SORCS1: variants seen among roughly 807,000 people sequenced by gnomAD.
SORCS1 encodes VPS10 domain-containing receptor SorCS1.
SORCS1 carries 60 observed loss-of-function variants against 146.1 expected under a neutral mutation model. The ratio of observed to expected loss-of-function variants is 0.41; its 90% CI spans 0.33 to 0.51. SORCS1 has a LOEUF of 0.51. SORCS1 is among the 20% of genes least tolerant of loss of function. The pLI, the probability that SORCS1 is intolerant of heterozygous loss-of-function variation, is 0.21. For synonymous variants in SORCS1, 637 were observed against 584.0 expected (o/e 1.09, Z -1.31); for missense variants, 1,352 against 1,487.6 (o/e 0.91, Z 1.50).
chr10:106,856,590 T>C (rs1949796402), intron 2 of SORCS1, among the ~76,000 whole-genome samples: 1 of 152,182 alleles, frequency 6.6e-6, no homozygotes, highest in African/African-American at 2.4e-5. Context: ...TATTTCAAAA[T>C]GGTTACTTTT....
At chr10:107,054,106 A>G (rs963148931) in intron 1 of SORCS1, among the ~76,000 whole-genome samples, 9 of 152,202 alleles carry the variant, frequency 5.9e-5, no homozygotes, top group Admixed American at 5.9e-4. Flanking sequence ...GTCGAAGGCT[A>G]CCGATTCAGA....
In SORCS1 at chr10:107,065,602, T is replaced by A. The variant is rs1313543893; in HGVS notation, c.558+98367A>T. On this transcript the variant is annotated intron_variant, in intron 1 of 25. Coordinates refer to ENST00000263054, the MANE Select transcript of SORCS1 (RefSeq NM_052918.5). Reference sequence around the variant, plus strand: ...GCGTGATCTCAACTCACTGCAACTTTCGCCTCCAGGGCTCAAGCGATCCTC... The same window carrying A: ...GCGTGATCTCAACTCACTGCAACTTACGCCTCCAGGGCTCAAGCGATCCTC... 2.0e-5 allele frequency among the ~76,000 whole-genome samples: 3 copies of A among 151,158 alleles called. No homozygotes were observed. The Admixed American group carries it at 2.0e-4, about 10-fold the overall frequency.
intron 1 of SORCS1, among the ~76,000 whole-genome samples, chr10:106,983,108 T>A (rs1306429177): frequency 2.7e-5 from 4 of 147,318 alleles, no homozygotes; most frequent in African/African-American, 9.9e-5. Context: ...TCAGAGGAGG[T>A]TATATATATA....
intron 2 of SORCS1, among the ~76,000 whole-genome samples, chr10:106,893,620 C>G (rs911153975): frequency 6.6e-6 from 1 of 152,146 alleles, no homozygotes; most frequent in African/African-American, 2.4e-5. Flanking sequence ...GATGTTGCCA[C>G]ATGTTGCATG....
At chr10:106,670,377 T>C (rs1851496898) in intron 16 of SORCS1, among the ~76,000 whole-genome samples, 2 of 152,224 alleles carry the variant, frequency 1.3e-5, no homozygotes, top group African/African-American at 4.8e-5. Flanking sequence ...CCAGTTTAAA[T>C]TAGCTTAATC....
chr10:106,968,788 G>C (rs1287301281), intron 1 of SORCS1, among the ~76,000 whole-genome samples: 1 of 151,858 alleles, frequency 6.6e-6, no homozygotes, highest in Admixed American at 6.6e-5. Flanking sequence ...TTACCATAAA[G>C]TACAACTAAC....
At chr10:106,739,690 C>T (rs1293038835) in intron 5 of SORCS1, among the ~76,000 whole-genome samples, 3 of 150,428 alleles carry the variant, frequency 2.0e-5, no homozygotes, top group Admixed American at 6.6e-5. Flanking sequence ...TGGTGGCGAG[C>T]GCCGTAATCC....
At chr10:106,601,391 A>C (rs531674820) in intron 23 of SORCS1, among the ~76,000 whole-genome samples, 17 of 152,222 alleles carry the variant, frequency 1.1e-4, no homozygotes, top group Non-Finnish European at 2.1e-4. Context: ...CCATAGAAAC[A>C]ACACATTATT....
intron 21 of SORCS1, among the ~76,000 whole-genome samples, chr10:106,614,461 G>A (rs139857432): frequency 1.9e-3 from 292 of 152,302 alleles, no homozygotes; most frequent in Non-Finnish European, 2.8e-3. Context: ...ATTGTTCAAA[G>A]CTTGACTATT....
intron 3 of SORCS1, among the ~76,000 whole-genome samples, chr10:106,786,369 T>C (rs952234728): frequency 2.0e-5 from 3 of 152,196 alleles, no homozygotes; most frequent in Non-Finnish European, 4.4e-5. Context: ...GTTGGACCTC[T>C]CCCTTTCTCT....
At chr10:107,028,880 C>A (rs1451441163) in intron 1 of SORCS1, among the ~76,000 whole-genome samples, 1 of 152,192 alleles carries the variant, frequency 6.6e-6, no homozygotes, top group East Asian at 1.9e-4. Flanking sequence ...CCCCTGCAAG[C>A]CACTTAATCT....
chr10:106,951,337 C>T (rs1334084960), intron 2 of SORCS1, among the ~76,000 whole-genome samples: 6 of 151,916 alleles, frequency 3.9e-5, no homozygotes, highest in Non-Finnish European at 8.8e-5. Context: ...TGGTGAAACC[C>T]CGTCTCTACT....
At chr10:106,920,687 G>A (rs1952670785) in intron 2 of SORCS1, among the ~76,000 whole-genome samples, 1 of 152,174 alleles carries the variant, frequency 6.6e-6, no homozygotes, top group Non-Finnish European at 1.5e-5. Flanking sequence ...AGGAAGTGAG[G>A]GCTGTTCTTT....
chr10:106,658,102 C>A (rs557580396), intron 17 of SORCS1, among the ~76,000 whole-genome samples: 1 of 152,156 alleles, frequency 6.6e-6, no homozygotes, highest in East Asian at 1.9e-4. Flanking sequence ...TTCTTAAAAT[C>A]ATTCAAAATT....
At chr10:106,671,404 T>G in intron 15 of SORCS1, 37 bp from the exon 16 acceptor site, 1 of 1,612,380 alleles carries the variant, frequency 6.2e-7, no homozygotes, top group Non-Finnish European at 8.5e-7. Flanking sequence ...CTTGGGCACA[T>G]AGCTTGGACT....
chr10:106,573,820 T>A lies in SORCS1; in HGVS notation c.*3600A>T, dbSNP rs1844471314. 1 of 152,458 alleles carries A rather than the reference T, an allele frequency of 6.6e-6. No individual in the cohort carries two copies. Among genetic ancestry groups the A allele is most frequent in the South Asian group, 2.1e-4 (1 of 4,828 alleles). 9.4% of individuals were successfully genotyped at this position (152,458 alleles called of 1,614,324 possible). ...CTCTTTCTTATGCAATTAGCCTTTATGAAATCCTATACATGCAACACTTCT... is the reference window on the plus strand; with the variant it reads ...CTCTTTCTTATGCAATTAGCCTTTAAGAAATCCTATACATGCAACACTTCT... On this transcript the variant is annotated 3_prime_UTR_variant, in exon 26 of 26. Transcript: ENST00000263054.
chr10:107,078,260 G>T (rs531632115), intron 1 of SORCS1, among the ~76,000 whole-genome samples: 78 of 152,246 alleles, frequency 5.1e-4, no homozygotes, highest in African/African-American at 1.8e-3. Flanking sequence ...CTCAGTAAAA[G>T]GAGGTTCCAT....
At chr10:106,794,502 T>TG (rs1491120830) in intron 3 of SORCS1, among the ~76,000 whole-genome samples, 5 of 65,624 alleles carry the variant, frequency 7.6e-5, no homozygotes, top group Admixed American at 3.1e-4. Context: ...TTTCTTTTTC[T>TG]TTTTTTTTTT....
intron 5 of SORCS1, among the ~76,000 whole-genome samples, chr10:106,736,711 A>G (rs902182944): frequency 5.5e-5 from 8 of 145,312 alleles, no homozygotes; most frequent in Non-Finnish European, 1.2e-4. Flanking sequence ...CAAATGGGCC[A>G]GATAATCTAC....
Sources: allele counts gnomAD v4.1 joint callset (sites outside exome capture counted in the v4.1 genomes callset), GRCh38; gene constraint gnomAD v4.1.1; transcripts MANE v1.5; gene names NCBI Gene and HGNC (gene_info 2026-07-23, HGNC 2026-07-21).